Variants in SH2D4A observed in about 807,000 individuals in gnomAD.
SH2D4A encodes the protein SH2 domain containing 4A.
A neutral mutation model predicts 64.7 loss-of-function variants in SH2D4A; 70 were observed. The ratio of observed to expected loss-of-function variants is 1.08; its 90% confidence interval spans 0.89 to 1.32. SH2D4A has a LOEUF of 1.32. Ranked by LOEUF, SH2D4A falls within the 40% of genes most tolerant of loss-of-function variation. The pLI is 0.00. For missense variants in SH2D4A, 706 were observed against 540.1 expected, an observed-to-expected ratio of 1.31 and a Z score of -3.04; for synonymous variants, 268 against 200.7, an observed-to-expected ratio of 1.34 and a Z score of -2.83.
chr8:19,370,232 G>A lies in SH2D4A; in HGVS notation c.918-3298G>A, dbSNP rs75994627. Among the ~76,000 whole-genome samples the A allele has an allele frequency of 4.0e-3, 606 of 152,126 alleles. 5 individuals are homozygous for A. The highest frequency in any genetic ancestry group is 5.8e-3 in the Non-Finnish European group (397 of 67,912). Reference sequence around the variant, plus strand: ...CTGTTGAGATACTGTGTATTCTGCAGCTGGTTGATTAGAATAGTCTATAAT... The same window carrying A: ...CTGTTGAGATACTGTGTATTCTGCAACTGGTTGATTAGAATAGTCTATAAT... On this transcript the variant is annotated intron_variant, in intron 7 of 9. Coordinates refer to ENST00000265807, the MANE Select transcript of SH2D4A (RefSeq NM_022071.4).
intron 8 of SH2D4A, among the ~76,000 whole-genome samples, chr8:19,375,924 C>G (rs2153650399): frequency 6.6e-6 from 1 of 152,240 alleles, no homozygotes; most frequent in South Asian, 2.1e-4. Context: ...ATCCACAATG[C>G]CTACTTGATC....
At chr8:19,324,782 G>C (rs1379684612) in intron 2 of SH2D4A, among the ~76,000 whole-genome samples, 1 of 152,136 alleles carries the variant, frequency 6.6e-6, no homozygotes, top group Non-Finnish European at 1.5e-5. Context: ...CTAGGAAAAT[G>C]CACAGAGACA....
chr8:19,319,054 T>A (rs1042575583), intron 1 of SH2D4A, among the ~76,000 whole-genome samples: 2 of 152,120 alleles, frequency 1.3e-5, no homozygotes, highest in Admixed American at 1.3e-4. Flanking sequence ...ATGTGTTTGC[T>A]TAGTTGGGAG....
chr8:19,377,198 A>G (rs1229643728), intron 8 of SH2D4A, among the ~76,000 whole-genome samples: 1 of 152,164 alleles, frequency 6.6e-6, no homozygotes, highest in Non-Finnish European at 1.5e-5. Context: ...CCTGGCTAAC[A>G]TGTCAAGACC....
At chr8:19,386,720 T>A (rs568444324) in intron 8 of SH2D4A, among the ~76,000 whole-genome samples, 14 of 152,182 alleles carry the variant, frequency 9.2e-5, no homozygotes, top group Non-Finnish European at 1.6e-4. Context: ...AGAAAAGGGG[T>A]TCTACTGTTT....
At chr8:19,378,779 C>T (rs1195711000) in intron 8 of SH2D4A, among the ~76,000 whole-genome samples, 1 of 151,906 alleles carries the variant, frequency 6.6e-6, no homozygotes, top group Non-Finnish European at 1.5e-5. Context: ...TGTGTGGTGG[C>T]TCCCATCTAT....
chr8:19,336,492 C>T (rs900932002), intron 4 of SH2D4A, among the ~76,000 whole-genome samples: 7 of 152,292 alleles, frequency 4.6e-5, no homozygotes, highest in Non-Finnish European at 7.3e-5. Context: ...TCCCCCAACA[C>T]GGCTCCCCTT....
intron 7 of SH2D4A, among the ~76,000 whole-genome samples, chr8:19,367,530 C>G (rs571951823): frequency 6.6e-6 from 1 of 151,892 alleles, no homozygotes; most frequent in Admixed American, 6.6e-5. Flanking sequence ...GTTGGTCATT[C>G]GTATGTCTTC....
rs1389059251 is a variant in SH2D4A, at chr8:19,333,617, G to A, written c.341+503G>A. ...CTCTTTAGGTGCCTACCCAGTGCAA[G>A]GTACTGGGAATTCAAAGAGAAACAG... On this transcript the variant is annotated intron_variant, in intron 3 of 9. Transcript: ENST00000265807. Among the ~76,000 whole-genome samples, 8 of 152,262 alleles carry A rather than the reference G, an allele frequency of 5.3e-5. No homozygotes were observed. The South Asian group carries it at 1.7e-3, about 32-fold the overall frequency.
At chr8:19,319,895 A>C (rs2052158707) in intron 2 of SH2D4A, among the ~76,000 whole-genome samples, 167 bp downstream of exon 2, 2 of 150,238 alleles carry the variant, frequency 1.3e-5, no homozygotes, top group Admixed American at 6.6e-5. Flanking sequence ...CCTGAAGTCT[A>C]CACACACACA....
intron 4 of SH2D4A, among the ~76,000 whole-genome samples, chr8:19,335,681 T>A (rs1275116784): frequency 2.0e-5 from 3 of 152,224 alleles, no homozygotes; most frequent in African/African-American, 7.2e-5. Context: ...TTAGCCTTTT[T>A]GTTGCGGATT....
At position 19,395,015 on chromosome 8, in the gene SH2D4A, C is replaced by T. The variant is rs149251168; in HGVS notation, c.*373C>T. 4.7e-3 allele frequency: 730 copies of T among 154,900 alleles called. 1 individual carries two copies. Among genetic ancestry groups the T allele is most frequent in the Admixed American group, 7.6e-3 (116 of 15,348 alleles). 9.6% of individuals were successfully genotyped at this position (154,900 alleles called of 1,614,324 possible). ...CCCCTGCACTCCCTCTGTATCATCT[C>T]AGGAGGTTTCAGGGGCCTGTTGACA... On this transcript the variant is annotated 3_prime_UTR_variant, in exon 10 of 10. Transcript: ENST00000265807.
chr8:19,348,104 T>C (rs901422442), intron 4 of SH2D4A, among the ~76,000 whole-genome samples: 1 of 152,170 alleles, frequency 6.6e-6, no homozygotes, highest in Non-Finnish European at 1.5e-5. Context: ...CGTGTGTGTG[T>C]GTATTTTTAG....
rs997227150 is a variant in SH2D4A, at chr8:19,395,283, G to C, written c.*641G>C. ...TTTTCTTGTTCGGGAGAATGGGGCC[G>C]GGGCTGGCCTGGCCTCCCCTGGATA... On this transcript the variant is annotated 3_prime_UTR_variant, in exon 10 of 10. Coordinates refer to ENST00000265807, the MANE Select transcript of SH2D4A (RefSeq NM_022071.4). 6.6e-6 allele frequency: 1 copy of C among 152,248 alleles called. No homozygotes were observed. Among genetic ancestry groups the C allele is most frequent in the Non-Finnish European group, 1.5e-5 (1 of 68,078 alleles). 9.4% of individuals were successfully genotyped at this position (152,248 alleles called of 1,614,324 possible).
At chr8:19,392,590 G>A (rs1052557818) in intron 8 of SH2D4A, among the ~76,000 whole-genome samples, 2 of 152,144 alleles carry the variant, frequency 1.3e-5, no homozygotes, top group Non-Finnish European at 2.9e-5. Context: ...TTGGTAAACT[G>A]AGGTAGCCTA....
Position 19,321,248 on chromosome 8 carries a change from C to G in SH2D4A, c.181+1520C>G, listed in dbSNP as rs2052186453. Among the ~76,000 whole-genome samples, 2 of 151,956 alleles carry G rather than the reference C, an allele frequency of 1.3e-5. 1 individual carries two copies. Among genetic ancestry groups the G allele is most frequent in the South Asian group, 4.2e-4 (2 of 4,810 alleles). ...TGTTTGTTTGAGATGGAGTCTCACTCTGTCGCCCTGGTTGGAGTGCAGTGG... is the reference window on the plus strand; with the variant it reads ...TGTTTGTTTGAGATGGAGTCTCACTGTGTCGCCCTGGTTGGAGTGCAGTGG... On this transcript the variant is annotated intron_variant, in intron 2 of 9. Transcript: ENST00000265807.
At chr8:19,331,620 A>G (rs1399419292) in intron 2 of SH2D4A, among the ~76,000 whole-genome samples, 1 of 152,218 alleles carries the variant, frequency 6.6e-6, no homozygotes, top group African/African-American at 2.4e-5. Flanking sequence ...TGGTTATATT[A>G]TCTTCTCACA....
At chr8:19,328,835 G>T (rs1364471661) in intron 2 of SH2D4A, among the ~76,000 whole-genome samples, 3 of 152,178 alleles carry the variant, frequency 2.0e-5, no homozygotes, top group Non-Finnish European at 4.4e-5. Context: ...TACTATAGAA[G>T]GAACTCAGGC....
chr8:19,329,336 C>G (rs996997498), intron 2 of SH2D4A, among the ~76,000 whole-genome samples: 1 of 151,992 alleles, frequency 6.6e-6, no homozygotes, highest in Non-Finnish European at 1.5e-5. Context: ...GGACTTAGTT[C>G]TTTTTTTTAA....
Sources: gnomAD v4.1 joint callset for allele counts (sites outside exome capture counted in the v4.1 genomes callset) on GRCh38, gnomAD v4.1.1 for gene constraint, MANE v1.5 for transcripts, NCBI Gene and HGNC (gene_info 2026-07-23, HGNC 2026-07-21) for gene names.